Variants in SCN11A observed in about 807,000 individuals in gnomAD.
SCN11A encodes the protein sodium channel protein type 11 subunit alpha.
SCN11A carries 122 observed loss-of-function variants against 162.2 expected under a neutral mutation model. The observed-to-expected ratio is 0.75, with a 90% CI of 0.65 to 0.87. The LOEUF (loss-of-function observed/expected upper bound fraction) is 0.87, where lower values mean the gene tolerates loss of function less well. Among genes scored for constraint, SCN11A ranks in the 40% least tolerant of loss-of-function variants. The pLI, the probability that SCN11A is intolerant of heterozygous loss-of-function variation, is 0.00. For missense variants in SCN11A, 2,015 were observed against 2,181.6 expected (o/e 0.92, Z 1.52); for synonymous variants, 758 against 751.5 (o/e 1.01, Z -0.14).
intron 16 of SCN11A, among the ~76,000 whole-genome samples, chr3:38,900,786 GAGAGGC>G (rs2065687408): frequency 6.6e-6 from 1 of 152,074 alleles, no homozygotes; most frequent in Admixed American, 6.6e-5. Context: ...GAATAAAAAG[GAGAGGC>G]AGGAATTACA....
At chr3:38,919,559 G>T (rs566767344) in intron 11 of SCN11A, among the ~76,000 whole-genome samples, 1 of 152,302 alleles carries the variant, frequency 6.6e-6, no homozygotes, top group South Asian at 2.1e-4. Flanking sequence ...ACAAAGAGAA[G>T]AAGCATGCTC....
chr3:39,051,706 T>C (rs1317328864), intron 1 of SCN11A, among the ~76,000 whole-genome samples, 155 bp downstream of exon 1: 1 of 152,120 alleles, frequency 6.6e-6, no homozygotes, highest in African/African-American at 2.4e-5. Flanking sequence ...GTGCTTTCGT[T>C]TTGCTTGGGC....
intron 2 of SCN11A, among the ~76,000 whole-genome samples, chr3:38,979,088 A>G (rs1011022864): frequency 5.3e-5 from 8 of 152,202 alleles, no homozygotes; most frequent in African/African-American, 1.7e-4. Flanking sequence ...TGTTTGTGAA[A>G]TTGATTAGCC....
chr3:39,014,824 T>C (rs1016343563), intron 2 of SCN11A, among the ~76,000 whole-genome samples: 1 of 152,214 alleles, frequency 6.6e-6, no homozygotes, highest in African/African-American at 2.4e-5. Flanking sequence ...GCCCACTTAA[T>C]GATGGAAGGG....
At position 38,865,122 on chromosome 3, in the gene SCN11A, C is replaced by T. The variant is rs140223541; in HGVS notation, c.3952-1823G>A. Among the ~76,000 whole-genome samples the T allele has an allele frequency of 2.6e-3, 399 of 152,094 alleles. 3 individuals carry two copies. The highest frequency in any genetic ancestry group is 8.4e-3 in the African/African-American group (350 of 41,496). ...ATCTGGTGGCAGAGTTGAGTAAGGG[C>T]GTATATGGCTTAGAACAAGCACATT... is the stretch of plus-strand genomic sequence containing the variant. On this transcript the variant is annotated intron_variant, in intron 27 of 29. Coordinates refer to ENST00000302328, the MANE Select transcript of SCN11A (RefSeq NM_001349253.2).
chr3:38,862,734 A>C (rs1264834321), intron 28 of SCN11A, among the ~76,000 whole-genome samples: 1 of 152,028 alleles, frequency 6.6e-6, no homozygotes, highest in Non-Finnish European at 1.5e-5. Flanking sequence ...ACTTCAGGGA[A>C]TCAAGGAGAT....
intron 1 of SCN11A, among the ~76,000 whole-genome samples, chr3:39,044,764 C>T (rs1158179920): frequency 6.6e-6 from 1 of 151,758 alleles, no homozygotes; most frequent in African/African-American, 2.4e-5. Context: ...CGTCAAGGAA[C>T]TACAAAAACA....
chr3:39,012,444 CTCTTTCTCTCTT>C (rs1271731892), intron 2 of SCN11A, among the ~76,000 whole-genome samples: 2 of 149,674 alleles, frequency 1.3e-5, no homozygotes, highest in East Asian at 3.9e-4. Context: ...CTTTCTCTCT[CTCTTTCTCTCTT>C]TCTTTCTTTC....
intron 3 of SCN11A, among the ~76,000 whole-genome samples, chr3:38,959,172 G>T (rs1367161150): frequency 6.6e-6 from 1 of 152,116 alleles, no homozygotes; most frequent in African/African-American, 2.4e-5. Flanking sequence ...GCTAAACAAA[G>T]GGGCAAATGC....
chr3:38,883,449 C>A, intron 21 of SCN11A, 62 bp from the exon 22 acceptor site: 1 of 1,487,792 alleles, frequency 6.7e-7, no homozygotes, highest in South Asian at 1.3e-5. Context: ...TAAAATGCAA[C>A]TCTTCACCCC....
chr3:38,868,960 G>A (rs2065083145), intron 26 of SCN11A, among the ~76,000 whole-genome samples: 1 of 152,192 alleles, frequency 6.6e-6, no homozygotes, highest in African/African-American at 2.4e-5. Context: ...GATGGGAGTA[G>A]ACTGCCAGGG....
intron 7 of SCN11A, among the ~76,000 whole-genome samples, chr3:38,931,755 C>G (rs6599272): frequency 0.87 from 132,509 of 152,216 alleles, 57,765 homozygotes; most frequent in South Asian, 0.91. Flanking sequence ...CAAACAGCTG[C>G]TAGCCAGCTT....
Position 38,870,717 on chromosome 3 carries a change from T to A in SCN11A, c.3787A>T (p.Ile1263Leu). 6.2e-7 allele frequency: 1 copy of A among 1,613,568 alleles called. No individual in the cohort carries two copies. The highest frequency in any genetic ancestry group is 1.1e-5 in the South Asian group (1 of 91,052). The change falls in exon 26 of 30, where the codon ATA (isoleucine) becomes TTA (leucine). Residue 1263 changes from isoleucine (I) to leucine (L), a missense_variant. Ile to Leu is a conservative substitution (Grantham distance 5, BLOSUM62 2). Coordinates refer to ENST00000302328, the MANE Select transcript of SCN11A (RefSeq NM_001349253.2). ...TCTGTGGAATCAACAGCTGCATATA[T>A]AATATCCATCCAGCCCTTAAATGTT... Reference protein sequence around the residue: ...VATFKGWMDIIYAAVDSTEKE... With the variant: ...VATFKGWMDILYAAVDSTEKE...
chr3:38,974,145 A>C (rs937728868), intron 2 of SCN11A, among the ~76,000 whole-genome samples: 15 of 152,228 alleles, frequency 9.9e-5, no homozygotes, highest in African/African-American at 3.6e-4. Flanking sequence ...AAGCTGAAAA[A>C]CATGAGGGTA....
At chr3:38,997,267 C>T (rs1044642121) in intron 2 of SCN11A, among the ~76,000 whole-genome samples, 2 of 152,226 alleles carry the variant, frequency 1.3e-5, no homozygotes, top group Admixed American at 1.3e-4. Context: ...TCCACTTCAA[C>T]CACATCAGTC....
At chr3:38,893,380 A>G (rs988286373) in intron 19 of SCN11A, among the ~76,000 whole-genome samples, 2 of 152,242 alleles carry the variant, frequency 1.3e-5, no homozygotes, top group Non-Finnish European at 2.9e-5. Flanking sequence ...GAAAATTGAC[A>G]TAACTGTTGG....
intron 3 of SCN11A, among the ~76,000 whole-genome samples, chr3:38,955,199 A>C (rs2125580982): frequency 6.6e-6 from 1 of 152,272 alleles, no homozygotes; most frequent in East Asian, 1.9e-4. Flanking sequence ...GAGGCACAAG[A>C]ATCGCTTGAA....
intron 2 of SCN11A, among the ~76,000 whole-genome samples, chr3:39,012,661 G>A (rs1024461364): frequency 6.6e-5 from 10 of 151,922 alleles, no homozygotes; most frequent in Non-Finnish European, 1.5e-4. Context: ...TTGTATTAGA[G>A]ACAGGGTTTC....
At chr3:39,033,203 T>C (rs2031810440) in intron 1 of SCN11A, among the ~76,000 whole-genome samples, 2 of 151,118 alleles carry the variant, frequency 1.3e-5, no homozygotes, top group African/African-American at 2.4e-5. Flanking sequence ...CTTGCTCAGG[T>C]AATTGGCAGA....
Sources: gnomAD v4.1 joint callset for allele counts (sites outside exome capture counted in the v4.1 genomes callset) on GRCh38, gnomAD v4.1.1 for gene constraint, MANE v1.5 for transcripts, NCBI Gene and HGNC (gene_info 2026-07-23, HGNC 2026-07-21) for gene names.